Variants in ATRX observed in about 807,000 individuals in gnomAD.
ATRX encodes ATRX chromatin remodeler, also known as chromatin remodeler ATRX.
Under a neutral mutation model 172.6 loss-of-function variants are expected in ATRX, and 12 were observed. The ratio of observed to expected loss-of-function variants is 0.07; its 90% CI spans 0.04 to 0.11. The LOEUF (loss-of-function observed/expected upper bound fraction) is 0.11, where lower values mean the gene tolerates loss of function less well. Ranked by LOEUF, ATRX falls within the 10% of genes least tolerant of loss-of-function variation. The pLI, the probability that ATRX is intolerant of heterozygous loss-of-function variation, is 1.00. For missense variants in ATRX, 1,368 were observed against 1,767.4 expected, an observed-to-expected ratio of 0.77 and a Z score of 4.05; for synonymous variants, 674 against 594.7, an observed-to-expected ratio of 1.13 and a Z score of -1.94.
Position 77,683,646 on chromosome X carries a change from T to C in ATRX, c.1610A>G (p.Glu537Gly). Residue 537 changes from glutamate to glycine, a missense_variant, in exon 9 of 35, where the codon GAA (glutamate) becomes GGA (glycine). This residue lies in a region of ATRX where 843 missense variants were observed against 643.1 expected (regional missense o/e 1.31). Transcript: ENST00000373344. Reference protein sequence around the residue: ...DIFENLETAMEVQSSVDHQGD... With the variant: ...DIFENLETAMGVQSSVDHQGD... The stretch of plus-strand genomic sequence containing the variant: ...TTGATGATCAACTGAACTCTGAACT[T>C]CCATAGCAGTCTCAAGATTCTCAAA... The C allele has an allele frequency of 3.3e-6, 4 of 1,211,341 alleles. No individual in the cohort carries two copies. Among genetic ancestry groups the C allele is most frequent in the Non-Finnish European group, 4.5e-6 (4 of 895,082 alleles).
intron 1 of ATRX, among the ~76,000 whole-genome samples, chrX:77,758,163 T>C (rs1018550803): frequency 1.9e-5 from 2 of 104,866 alleles, no homozygotes; most frequent in South Asian, 8.7e-4. Context: ...CCGAGGCGAG[T>C]GGATCACTTG....
At chrX:77,692,768 G>C (rs1296827395) in intron 6 of ATRX, among the ~76,000 whole-genome samples, 2 of 111,035 alleles carry the variant, frequency 1.8e-5, no homozygotes, top group Non-Finnish European at 3.8e-5. Flanking sequence ...ACACAAACAA[G>C]TGGGACACAT....
intron 30 of ATRX, among the ~76,000 whole-genome samples, chrX:77,539,453 T>C (rs1220346324): frequency 1.8e-5 from 2 of 110,441 alleles, no homozygotes; most frequent in African/African-American, 6.6e-5. Flanking sequence ...TGATTTCTAG[T>C]GTACAGGATA....
At chrX:77,539,935 CATA>C (rs1269679455) in intron 30 of ATRX, among the ~76,000 whole-genome samples, 5 of 111,631 alleles carry the variant, frequency 4.5e-5, no homozygotes, top group African/African-American at 6.5e-5. Flanking sequence ...CAGCTAGAAT[CATA>C]ATGACAGGAT....
chrX:77,634,757 C>T (rs2068267429), intron 16 of ATRX, 54 bp from the exon 17 acceptor site: 1 of 1,021,288 alleles, frequency 9.8e-7, no homozygotes, highest in African/African-American at 1.9e-5. Flanking sequence ...TAAAAACTTC[C>T]TTTACATAAA....
intron 22 of ATRX, among the ~76,000 whole-genome samples, chrX:77,611,848 G>A (rs1453436214): frequency 9.9e-5 from 11 of 111,401 alleles, no homozygotes; most frequent in Admixed American, 2.9e-4. Flanking sequence ...ACTACACAAT[G>A]TATACATGTA....
At chrX:77,628,009 T>C (rs1447431542) in intron 19 of ATRX, among the ~76,000 whole-genome samples, 1 of 111,995 alleles carries the variant, frequency 8.9e-6, no homozygotes. Context: ...TTATAAATAA[T>C]TATACAGAAA....
At position 77,684,846 on chromosome X, in the gene ATRX, C is replaced by T. The variant is rs1422993351; in HGVS notation, c.662+93G>A. ...AACCTTTCATTAAAGACATCAATGA[C>T]GATACTATGAAAGACAAACCTCATA... On this transcript the variant is annotated intron_variant, in intron 8 of 34. Transcript: ENST00000373344. The T allele has an allele frequency of 9.3e-6, 8 of 855,795 alleles. No individual in the cohort carries two copies. In the East Asian group the frequency reaches 2.2e-4, roughly 23 times the overall value. The allele number at this position is 855,795 out of a possible 1,213,427, so 70.5% of individuals were successfully genotyped here.
intron 22 of ATRX, among the ~76,000 whole-genome samples, chrX:77,603,685 A>C (rs2066776238): frequency 9.0e-6 from 1 of 110,747 alleles, no homozygotes; most frequent in African/African-American, 3.3e-5. Flanking sequence ...CAATAATATT[A>C]ATTCTTGAAC....
intron 28 of ATRX, among the ~76,000 whole-genome samples, chrX:77,566,017 T>G (rs1465536105): frequency 9.0e-6 from 1 of 111,065 alleles, no homozygotes; most frequent in Non-Finnish European, 1.9e-5. Flanking sequence ...GAGACTCATG[T>G]ACCCATGGGA....
At chrX:77,729,200 T>C (rs2074192077) in intron 1 of ATRX, among the ~76,000 whole-genome samples, 1 of 106,806 alleles carries the variant, frequency 9.4e-6, no homozygotes, top group African/African-American at 3.4e-5. Context: ...ATACAAGTCA[T>C]ACAATATCAT....
intron 1 of ATRX, among the ~76,000 whole-genome samples, chrX:77,721,740 T>C (rs948988229): frequency 2.7e-5 from 3 of 111,618 alleles, no homozygotes; most frequent in Non-Finnish European, 3.8e-5. Flanking sequence ...AAAATGGCCA[T>C]ACTGCCCAAA....
intron 22 of ATRX, among the ~76,000 whole-genome samples, chrX:77,614,706 C>T (rs1557095777): frequency 9.0e-6 from 1 of 111,638 alleles, no homozygotes; most frequent in East Asian, 2.8e-4. Context: ...GAGTATTTAT[C>T]ATTTTTATAT....
At chrX:77,576,498 T>C (rs549181461) in intron 27 of ATRX, among the ~76,000 whole-genome samples, 3 of 111,196 alleles carry the variant, frequency 2.7e-5, no homozygotes, top group African/African-American at 9.8e-5. Context: ...AGTGCAAGTA[T>C]ATACCTAGGA....
intron 16 of ATRX, 29 bp downstream of exon 16, chrX:77,635,886 A>C (rs782503807): frequency 8.5e-7 from 1 of 1,175,034 alleles, no homozygotes; most frequent in Non-Finnish European, 1.2e-6. Flanking sequence ...TTTAACTAAA[A>C]ATTATTGAAT....
At chrX:77,634,415 TC>T in intron 17 of ATRX, 178 bp downstream of exon 17, 1 of 420,981 alleles carries the variant, frequency 2.4e-6, no homozygotes, top group African/African-American at 2.5e-5. Context: ...AGTACATATT[TC>T]TTATTTGATT....
At chrX:77,694,523 G>A (rs1557148729) in intron 5 of ATRX, among the ~76,000 whole-genome samples, 1 of 111,049 alleles carries the variant, frequency 9.0e-6, no homozygotes, top group East Asian at 2.8e-4. Flanking sequence ...AGTTTTAACA[G>A]ATTAAGATAC....
At chrX:77,566,544 G>C (rs1372543981) in intron 28 of ATRX, among the ~76,000 whole-genome samples, 4 of 112,045 alleles carry the variant, frequency 3.6e-5, no homozygotes, top group African/African-American at 1.3e-4. Flanking sequence ...CTTGAGCTCA[G>C]GAGTTCAAGA....
chrX:77,612,512 C>T (rs950291431), intron 22 of ATRX, among the ~76,000 whole-genome samples: 1 of 110,415 alleles, frequency 9.1e-6, no homozygotes, highest in African/African-American at 3.3e-5. Flanking sequence ...GTACAGCACA[C>T]CACCATGGCA....
Sources: allele counts gnomAD v4.1 joint callset (sites outside exome capture counted in the v4.1 genomes callset), GRCh38; gene constraint gnomAD v4.1.1; regional missense constraint gnomAD v4.1.1; transcripts MANE v1.5; gene names NCBI Gene and HGNC (gene_info 2026-07-23, HGNC 2026-07-21).